Variants in AP2A2 observed in about 807,000 individuals in gnomAD.
AP2A2 encodes AP-2 complex subunit alpha-2.
Under a neutral mutation model 104.2 loss-of-function variants are expected in AP2A2, and 32 were observed. That is an observed-to-expected ratio of 0.31 (90% CI 0.23 to 0.41). The LOEUF (loss-of-function observed/expected upper bound fraction) is 0.41, where lower values mean the gene tolerates loss of function less well. Ranked by LOEUF, AP2A2 falls within the 10% of genes least tolerant of loss-of-function variation. The pLI, the probability that AP2A2 is intolerant of heterozygous loss-of-function variation, is 1.00. For synonymous variants in AP2A2, 539 were observed against 533.3 expected (o/e 1.01, Z -0.15); for missense variants, 912 against 1,261.0 (o/e 0.72, Z 4.19).
rs375413054 is a variant in AP2A2 at position 992,538 on chromosome 11, G to A, written c.1305G>A (p.Ala435=). The change falls in exon 11 of 22, where the codon GCG becomes GCA. Residue 435 remains alanine, a synonymous_variant. Transcript: ENST00000448903. The surrounding 1 kb of genome is among the most constrained non-coding windows in gnomAD (Gnocchi z 6.4). ...TCGCCATCCTGGCTGAGAAGTACGC[G>A]GTGGACTACACCTGGTATGTGGATA... ...LKVAILAEKY[A]VDYTWYVDTI... is the part of the protein sequence containing the mutation. The A allele has an allele frequency of 1.2e-5, 19 of 1,609,670 alleles. No individual in the cohort carries two copies. The highest frequency in any genetic ancestry group is 3.3e-5 in the South Asian group (3 of 90,292).
chr11:937,776 T>C (rs1853508578), intron 1 of AP2A2, among the ~76,000 whole-genome samples: 1 of 152,388 alleles, frequency 6.6e-6, no homozygotes, highest in East Asian at 1.9e-4. Context: ...TGCGTGTTGC[T>C]TTCATGCCAT....
At chr11:967,305 C>T (rs1014187902) in intron 2 of AP2A2, among the ~76,000 whole-genome samples, 13 of 152,186 alleles carry the variant, frequency 8.5e-5, no homozygotes, top group African/African-American at 2.4e-4. Flanking sequence ...TGTGACCTTA[C>T]GTTGCCTCAG....
At chr11:950,767 C>T (rs1175776352) in intron 1 of AP2A2, among the ~76,000 whole-genome samples, 2 of 152,106 alleles carry the variant, frequency 1.3e-5, no homozygotes, top group Non-Finnish European at 2.9e-5. Context: ...ATATAAAAAA[C>T]TTCATGAAGA....
At chr11:945,776 C>A (rs1287140716) in intron 1 of AP2A2, among the ~76,000 whole-genome samples, 3 of 152,038 alleles carry the variant, frequency 2.0e-5, no homozygotes, top group Non-Finnish European at 2.9e-5. Flanking sequence ...CTTAGTGAGA[C>A]CTTATCTCTA....
chr11:936,235 T>TA (rs1564780313), intron 1 of AP2A2, among the ~76,000 whole-genome samples: 1 of 122,962 alleles, frequency 8.1e-6, no homozygotes, highest in East Asian at 2.5e-4. Flanking sequence ...TTTTTAAAGA[T>TA]ATAGGGTCTT....
Position 992,748 on chromosome 11 carries a change from G to A in AP2A2, c.1452+63G>A. On this transcript the variant is annotated intron_variant, in intron 11 of 21. Transcript: ENST00000448903. This position sits in a 1 kb window ranked among gnomAD's most constrained non-coding sequence, Gnocchi z 6.4. ...GGCAGTTGCAGAAGGTGAGCAGTGAGTGGTTCCAGCCTGCCTGCGTGGAGG... is the reference window on the plus strand; with the variant it reads ...GGCAGTTGCAGAAGGTGAGCAGTGAATGGTTCCAGCCTGCCTGCGTGGAGG... 1 of 1,592,596 alleles carries A rather than the reference G, an allele frequency of 6.3e-7. No homozygotes were observed. Among genetic ancestry groups the A allele is most frequent in the Non-Finnish European group, 8.6e-7 (1 of 1,163,964 alleles).
intron 1 of AP2A2, among the ~76,000 whole-genome samples, chr11:927,854 C>T (rs528941563): frequency 4.0e-5 from 6 of 150,312 alleles, no homozygotes; most frequent in Admixed American, 3.3e-4. Flanking sequence ...TTAGAAACAC[C>T]CTCAGATCAG....
rs558736983 is a variant in AP2A2 at position 993,438 on chromosome 11, C to G, written c.1550+57C>G. The G allele has an allele frequency of 8.6e-6, 12 of 1,389,644 alleles. No homozygotes were observed. Among genetic ancestry groups the G allele is most frequent in the African/African-American group, 1.5e-5 (1 of 68,478 alleles). 86.1% of individuals were successfully genotyped at this position (1,389,644 alleles called of 1,614,324 possible). Reference sequence around the variant, plus strand: ...GCGCTCCGGCGGGCCTCTCGGTGGTCGGTGGCAAGAGGCGAGGCACCAGCT... The same window carrying G: ...GCGCTCCGGCGGGCCTCTCGGTGGTGGGTGGCAAGAGGCGAGGCACCAGCT... On this transcript the variant is annotated intron_variant, in intron 12 of 21. Coordinates refer to ENST00000448903, the MANE Select transcript of AP2A2 (RefSeq NM_012305.4). This position sits in a 1 kb window ranked among gnomAD's most constrained non-coding sequence, Gnocchi z 8.2.
chr11:1,000,685 G>A (rs1856004132), intron 15 of AP2A2, 87 bp downstream of exon 15: 1 of 1,383,294 alleles, frequency 7.2e-7, no homozygotes, highest in Non-Finnish European at 9.6e-7. Flanking sequence ...CTGGACAGAG[G>A]TGGGCAGCGG....
At chr11:954,688 ATG>A (rs1037976310) in intron 1 of AP2A2, among the ~76,000 whole-genome samples, 7 of 150,870 alleles carry the variant, frequency 4.6e-5, no homozygotes, top group African/African-American at 1.7e-4. Context: ...ATGTGTATTC[ATG>A]TGTGTTTGTA....
At chr11:1,004,513 G>A (rs558681508) in intron 16 of AP2A2, among the ~76,000 whole-genome samples, 2 of 151,068 alleles carry the variant, frequency 1.3e-5, no homozygotes, top group African/African-American at 4.9e-5. Context: ...TGGTGACTTA[G>A]GCCTATAATT....
chr11:960,300 T>C (rs1235434165), intron 2 of AP2A2, among the ~76,000 whole-genome samples: 1 of 151,746 alleles, frequency 6.6e-6, no homozygotes, highest in African/African-American at 2.4e-5. Flanking sequence ...TGGAGTGCAG[T>C]GGCACGATCT....
rs774326430 is a variant in AP2A2 at position 977,119 on chromosome 11, G to C, written c.498G>C (p.Gln166His). The stretch of plus-strand genomic sequence containing the variant: ...GAGACACTATGGACAGCGTGAAGCA[G>C]AGCGCGGCCCTGTGCTTGCTGCGCC... The part of the protein sequence containing the change: ...VAGDTMDSVK[Q>H]SAALCLLRLY... Residue 166 changes from glutamine to histidine, a missense_variant, in exon 5 of 22, where the codon CAG (glutamine) becomes CAC (histidine). Gln to His is a conservative substitution (Grantham distance 24). Coordinates refer to ENST00000448903, the MANE Select transcript of AP2A2 (RefSeq NM_012305.4). 1.2e-6 allele frequency: 2 copies of C among 1,613,666 alleles called. No homozygotes were observed. The highest frequency in any genetic ancestry group is 2.7e-5 in the African/African-American group (2 of 74,942).
intron 6 of AP2A2, among the ~76,000 whole-genome samples, chr11:981,597 C>T (rs994162162): frequency 5.3e-5 from 8 of 152,218 alleles, no homozygotes; most frequent in Admixed American, 1.3e-4. Flanking sequence ...CACCATCTGG[C>T]GTGCACGCTA....
chr11:998,306 TCCCCATTCTGACTCTCACCCGC>T (rs1481483840), intron 14 of AP2A2, among the ~76,000 whole-genome samples: 1 of 96,602 alleles, frequency 1.0e-5, no homozygotes, highest in African/African-American at 4.9e-5. Flanking sequence ...TGCCCCCCAA[TCCCCATTCTGACTCTCACCCGC>T]CCCCATTCTG....
intron 14 of AP2A2, among the ~76,000 whole-genome samples, chr11:997,269 C>T (rs564929420): frequency 9.8e-5 from 15 of 152,298 alleles, no homozygotes; most frequent in African/African-American, 3.4e-4. Context: ...CTGTGGTGTG[C>T]GTGTCCCCGG....
intron 1 of AP2A2, among the ~76,000 whole-genome samples, chr11:927,816 CAAAAAAAA>C (rs35472837): frequency 6.0e-4 from 41 of 68,832 alleles, no homozygotes; most frequent in African/African-American, 2.2e-3. Context: ...ACCTTTCTCA[CAAAAAAAA>C]AAAAAAAAAA....
intron 1 of AP2A2, among the ~76,000 whole-genome samples, chr11:926,887 G>A (rs1853138392): frequency 1.3e-5 from 2 of 152,184 alleles, no homozygotes; most frequent in African/African-American, 4.8e-5. Flanking sequence ...TTAGAAGGAT[G>A]TGCAGGGTGG....
intron 1 of AP2A2, among the ~76,000 whole-genome samples, chr11:928,133 G>A (rs765945974): frequency 6.3e-4 from 96 of 152,184 alleles, no homozygotes; most frequent in Non-Finnish European, 9.3e-4. Context: ...ACAGGATGGC[G>A]CCTACCACAG....
Sources: allele counts gnomAD v4.1 joint callset (sites outside exome capture counted in the v4.1 genomes callset), GRCh38; gene constraint gnomAD v4.1.1; non-coding constraint Gnocchi (gnomAD v3.1); transcripts MANE v1.5; gene names NCBI Gene and HGNC (gene_info 2026-07-23, HGNC 2026-07-21).